Variants in KMT2C observed in about 807,000 individuals in gnomAD.
KMT2C encodes histone-lysine N-methyltransferase 2C.
Under a neutral mutation model 507.9 loss-of-function variants are expected in KMT2C, and 88 were observed. The observed-to-expected ratio is 0.17, with a 90% CI of 0.15 to 0.21. The LOEUF (loss-of-function observed/expected upper bound fraction) is 0.21. KMT2C is among the 10% of genes least tolerant of loss of function. The pLI, the probability that KMT2C is intolerant of heterozygous loss-of-function variation, is 1.00. For missense variants in KMT2C, 4,954 were observed against 5,957.8 expected (o/e 0.83, Z 5.55); for synonymous variants, 2,049 against 2,080.8 (o/e 0.98, Z 0.42).
At chr7:152,367,365 AC>A in intron 1 of KMT2C, 1 of 728,300 alleles carries the variant, frequency 1.4e-6, no homozygotes, top group Non-Finnish European at 2.4e-6. Context: ...GGGAGCACCT[AC>A]CAGGGGCACC....
chr7:152,260,474 GTAAA>G (rs1475329347), intron 9 of KMT2C, among the ~76,000 whole-genome samples: 12 of 152,082 alleles, frequency 7.9e-5, no homozygotes, highest in Non-Finnish European at 1.8e-4. Context: ...AATTTTTTAA[GTAAA>G]TATATTTTTT....
At chr7:152,173,077 TAGAG>T (rs2093037363) in intron 39 of KMT2C, among the ~76,000 whole-genome samples, 1 of 152,178 alleles carries the variant, frequency 6.6e-6, no homozygotes, top group Non-Finnish European at 1.5e-5. Flanking sequence ...ATCTCTATGA[TAGAG>T]AAATAGTGTT....
chr7:152,421,678 C>G (rs1199657977), intron 1 of KMT2C, among the ~76,000 whole-genome samples: 2 of 152,142 alleles, frequency 1.3e-5, no homozygotes, highest in Non-Finnish European at 2.9e-5. Context: ...CAAGTGGGAG[C>G]TAAACACTAA....
rs758002416 is a variant in KMT2C at position 152,223,968 on chromosome 7, C to G, written c.3323+47G>C. 9.6e-6 allele frequency: 12 copies of G among 1,247,504 alleles called. No individual in the cohort carries two copies. The South Asian group carries it at 1.8e-4, about 18-fold the overall frequency. The allele number at this position is 1,247,504 out of a possible 1,614,324, so 77.3% of individuals were successfully genotyped here. ...TTTCCATTTGTTTTTTTTTTTGCTA[C>G]ATTTCAAAGAGAAAAGCTTTAAAAA... On this transcript the variant is annotated intron_variant, in intron 20 of 58. Coordinates refer to ENST00000262189, the MANE Select transcript of KMT2C (RefSeq NM_170606.3).
chr7:152,408,834 AT>A (rs1226122759), intron 1 of KMT2C, among the ~76,000 whole-genome samples: 7 of 150,884 alleles, frequency 4.6e-5, no homozygotes, highest in African/African-American at 9.8e-5. Flanking sequence ...AAAAAAAAAA[AT>A]GTAGCCAATG....
At chr7:152,356,745 C>T (rs1178915219) in intron 2 of KMT2C, among the ~76,000 whole-genome samples, 2 of 150,528 alleles carry the variant, frequency 1.3e-5, no homozygotes, top group African/African-American at 2.5e-5. Context: ...CAAAAATTAG[C>T]GAGGCGTGGT....
chr7:152,159,675 G>A (rs892855557), intron 43 of KMT2C, among the ~76,000 whole-genome samples: 2 of 152,180 alleles, frequency 1.3e-5, no homozygotes, highest in Non-Finnish European at 2.9e-5. Flanking sequence ...GGGAGAGAAC[G>A]TAGATGATAA....
chr7:152,287,311 A>G (rs1375469049), intron 6 of KMT2C, among the ~76,000 whole-genome samples: 1 of 152,242 alleles, frequency 6.6e-6, no homozygotes, highest in Non-Finnish European at 1.5e-5. Flanking sequence ...CCAAGTGAAA[A>G]GCAGGAACCT....
chr7:152,418,119 T>C (rs1589906294), intron 1 of KMT2C, among the ~76,000 whole-genome samples: 1 of 151,708 alleles, frequency 6.6e-6, no homozygotes, highest in South Asian at 2.1e-4. Context: ...TTTTGTATCT[T>C]AGTAGAGATG....
rs2129113194 is a variant in KMT2C, at chr7:152,176,522, A to T, written c.8931T>A (p.Ser2977=). 6.2e-7 allele frequency: 1 copy of T among 1,614,184 alleles called. No homozygotes were observed. Among genetic ancestry groups the T allele is most frequent in the Non-Finnish European group, 8.5e-7 (1 of 1,180,024 alleles). The change falls in exon 38 of 59, where the codon TCT becomes TCA. Residue 2977 remains serine, a synonymous_variant. Coordinates refer to ENST00000262189, the MANE Select transcript of KMT2C (RefSeq NM_170606.3). Reference sequence around the variant, plus strand: ...CCTGAGAAAAAACATGGTTTACCCTAGAGACTACTGTCACATTAGAATTCA... The same window carrying T: ...CCTGAGAAAAAACATGGTTTACCCTTGAGACTACTGTCACATTAGAATTCA... The part of the protein sequence containing the change: ...NAMNSNVTVV[S]RVNHVFSQGV...
At chr7:152,414,966 AG>A (rs1431397421) in intron 1 of KMT2C, among the ~76,000 whole-genome samples, 12 of 151,738 alleles carry the variant, frequency 7.9e-5, no homozygotes, top group Non-Finnish European at 1.6e-4. Flanking sequence ...CTCCCTCCTC[AG>A]TCTCCCAAAC....
chr7:152,176,778 T>C lies in KMT2C; in HGVS notation c.8675A>G (p.Asn2892Ser), dbSNP rs1207158010. 3 of 1,614,156 alleles carry C rather than the reference T, an allele frequency of 1.9e-6. No homozygotes were observed. The highest frequency in any genetic ancestry group is 1.6e-4 in the Middle Eastern group (1 of 6,062). Residue 2892 changes from asparagine to serine, a missense_variant, in exon 38 of 59, where the codon AAT (asparagine) becomes AGT (serine). Coordinates refer to ENST00000262189, the MANE Select transcript of KMT2C (RefSeq NM_170606.3). Reference protein sequence around the residue: ...TNRETAGPSANVIQASTQLPA... With the variant: ...TNRETAGPSASVIQASTQLPA... ...TAGTTGAGTGGATGCCTGAATGACA[T>C]TTGCACTGGGGCCAGCAGTTTCTCG...
intron 5 of KMT2C, 142 bp downstream of exon 5, chr7:152,311,655 GC>G: frequency 1.7e-6 from 1 of 588,838 alleles, no homozygotes; most frequent in Non-Finnish European, 2.7e-6. Context: ...ACCTAACCAG[GC>G]ATATTTAATA....
At chr7:152,224,971 C>A (rs780679454) in intron 18 of KMT2C, among the ~76,000 whole-genome samples, 3 of 152,236 alleles carry the variant, frequency 2.0e-5, no homozygotes, top group African/African-American at 7.2e-5. Context: ...AATACATCAA[C>A]AAAATCTCCA....
At chr7:152,214,514 C>G (rs1283592441) in intron 23 of KMT2C, among the ~76,000 whole-genome samples, 1 of 151,578 alleles carries the variant, frequency 6.6e-6, no homozygotes. Context: ...TGGCATAATG[C>G]AAAATGAAAA....
intron 6 of KMT2C, among the ~76,000 whole-genome samples, chr7:152,294,856 G>T (rs762973161): frequency 1.4e-4 from 22 of 151,748 alleles, no homozygotes; most frequent in Non-Finnish European, 1.8e-4. Flanking sequence ...CTTTTCACTG[G>T]TTCTTCCTCA....
chr7:152,200,252 T>C (rs1451946372), intron 26 of KMT2C, among the ~76,000 whole-genome samples: 4 of 152,254 alleles, frequency 2.6e-5, no homozygotes, highest in African/African-American at 9.6e-5. Context: ...GTAGCATATT[T>C]TGTAATGTCA....
chr7:152,172,163 C>CA (rs2092992335), intron 39 of KMT2C, among the ~76,000 whole-genome samples: 1 of 152,154 alleles, frequency 6.6e-6, no homozygotes, highest in African/African-American at 2.4e-5. Flanking sequence ...TGTCACCCTA[C>CA]CCACTGCTAC....
In KMT2C at chr7:152,150,966, G is replaced by A; in HGVS notation, c.12708C>T (p.Val4236=). ...GAATAAAGCAGTTATTACTACAGAA[G>A]ACAATGTCCTTCTCTACCCTCTTGG... ...ESTKRVEKDI[V]FCSNNCFILY... The change falls in exon 51 of 59, where the codon GTC becomes GTT. Residue 4236 remains valine (V), a synonymous_variant. Transcript: ENST00000262189. 6.2e-7 allele frequency: 1 copy of A among 1,613,334 alleles called. No individual in the cohort carries two copies. The highest frequency in any genetic ancestry group is 1.7e-4 in the Middle Eastern group (1 of 6,060).
Sources: gnomAD v4.1 joint callset for allele counts (sites outside exome capture counted in the v4.1 genomes callset) on GRCh38, gnomAD v4.1.1 for gene constraint, MANE v1.5 for transcripts, NCBI Gene and HGNC (gene_info 2026-07-23, HGNC 2026-07-21) for gene names.